The following UNC13B variants were observed in gnomAD, a reference collection of about 807,000 sequenced individuals.
The protein encoded by UNC13B is protein unc-13 homolog B.
In UNC13B, 144 loss-of-function variants were observed where a neutral mutation model predicts 211.0. That is an observed-to-expected ratio of 0.68 (90% CI 0.60 to 0.78). UNC13B has a LOEUF of 0.78. UNC13B is among the 30% of genes least tolerant of loss of function. UNC13B has a pLI of 0.00. For synonymous variants in UNC13B, 709 were observed against 725.8 expected (o/e 0.98, Z 0.37); for missense variants, 1,777 against 2,002.0 (o/e 0.89, Z 2.14).
At chr9:35,332,397 C>T (rs931343917) in intron 11 of UNC13B, among the ~76,000 whole-genome samples, 4 of 152,050 alleles carry the variant, frequency 2.6e-5, no homozygotes, top group African/African-American at 9.7e-5. Flanking sequence ...ATTCCTTTTC[C>T]TTTGTTCTCT....
chr9:35,399,800 G>C, intron 36 of UNC13B, 71 bp downstream of exon 36: 1 of 1,480,610 alleles, frequency 6.8e-7, no homozygotes, highest in Non-Finnish European at 9.4e-7. Context: ...CACTCTCCCA[G>C]ACCAGGTGTC....
intron 7 of UNC13B, among the ~76,000 whole-genome samples, chr9:35,260,828 T>C (rs1260609961): frequency 7.9e-5 from 12 of 152,118 alleles, no homozygotes; most frequent in Admixed American, 7.9e-4. Flanking sequence ...CTTTTAAACC[T>C]TTTTCCACGA....
At chr9:35,195,136 A>T (rs1412656851) in intron 1 of UNC13B, among the ~76,000 whole-genome samples, 3 of 152,122 alleles carry the variant, frequency 2.0e-5, no homozygotes, top group African/African-American at 7.2e-5. Context: ...TCTGCTCCTT[A>T]CTATACACAT....
intron 11 of UNC13B, among the ~76,000 whole-genome samples, chr9:35,335,240 G>T (rs1831588079): frequency 6.6e-6 from 1 of 152,140 alleles, no homozygotes; most frequent in Admixed American, 6.5e-5. Context: ...TCAGGAAATG[G>T]CCAAGAAATA....
rs1017002469 is a variant in UNC13B at position 35,302,092 on chromosome 9, G to A, written c.2688G>A (p.Lys896=). The change falls in exon 9 of 40, where the codon AAG becomes AAA. Residue 896 remains lysine, a synonymous_variant. Coordinates refer to ENST00000635942, the MANE Select transcript of UNC13B (RefSeq NM_001371189.2). ...TTAAATTTTCTTTCACTGACAGCAA[G>A]GTTACTGTTAATGACCAGAGTTTAC... The part of the protein sequence containing the change: ...PLFKFSFTDS[K]VTVNDQSLRG... 2 of 398,622 alleles carry A rather than the reference G, an allele frequency of 5.0e-6. No homozygotes were observed. The highest frequency in any genetic ancestry group is 4.1e-5 in the African/African-American group (2 of 48,612). The allele number at this position is 398,622 out of a possible 1,614,324, so 24.7% of individuals were successfully genotyped here. A position where few individuals can be genotyped will look rare whatever the true frequency, so the allele number is the denominator to read the frequency against.
chr9:35,255,254 T>G (rs758482318), intron 6 of UNC13B, among the ~76,000 whole-genome samples: 55 of 150,534 alleles, frequency 3.7e-4, no homozygotes, highest in Non-Finnish European at 4.1e-4. Context: ...ATTAACAGAC[T>G]TCATTTTTTA....
Position 35,300,659 on chromosome 9 carries a change from G to A in UNC13B, c.1255G>A (p.Ala419Thr), listed in dbSNP as rs922626200. The change falls in exon 9 of 40, where the codon GCA becomes ACA. Residue 419 changes from alanine (A) to threonine (T), a missense_variant. Transcript: ENST00000635942. The stretch of plus-strand genomic sequence containing the variant: ...TGAGGAATATTATGTAGCAAATTCA[G>A]CATTGCCATTACAAAGGATGAATTG... The part of the protein sequence containing the change: ...FPEEYYVANS[A>T]LPLQRMNCDA... The A allele has an allele frequency of 6.0e-5, 24 of 398,850 alleles. No individual in the cohort carries two copies. Among genetic ancestry groups the A allele is most frequent in the African/African-American group, 4.7e-4 (23 of 48,630 alleles). The allele number at this position is 398,850 out of a possible 1,614,324, so 24.7% of individuals were successfully genotyped here.
chr9:35,186,233 AC>A (rs1212367776), intron 1 of UNC13B, among the ~76,000 whole-genome samples: 1 of 151,972 alleles, frequency 6.6e-6, no homozygotes, highest in Non-Finnish European at 1.5e-5. Context: ...GACATTCACC[AC>A]CTATTCTCTC....
chr9:35,346,279 G>A (rs1350883978), intron 11 of UNC13B, among the ~76,000 whole-genome samples: 1 of 152,162 alleles, frequency 6.6e-6, no homozygotes, highest in Non-Finnish European at 1.5e-5. Context: ...CTGGGAAGCT[G>A]CTTGATATAT....
intron 1 of UNC13B, among the ~76,000 whole-genome samples, chr9:35,210,767 G>T (rs1425337055): frequency 2.0e-5 from 3 of 152,058 alleles, no homozygotes; most frequent in Non-Finnish European, 4.4e-5. Flanking sequence ...CAAGTGATCT[G>T]CCCACACCGT....
chr9:35,396,933 A>G lies in UNC13B; in HGVS notation c.11528A>G (p.Asp3843Gly), dbSNP rs149632058. The G allele has an allele frequency of 6.8e-6, 11 of 1,614,102 alleles. No homozygotes were observed. In the African/African-American group the frequency reaches 1.1e-4, roughly 16 times the overall value. The change falls in exon 28 of 40, where the codon GAT (aspartate) becomes GGT (glycine). Residue 3843 changes from aspartate (D) to glycine (G), a missense_variant. By Grantham distance (94) the Asp-to-Gly change is moderately conservative. Coordinates refer to ENST00000635942, the MANE Select transcript of UNC13B (RefSeq NM_001371189.2). ...GGGGCCCTGGAACGAGATAAGAAGG[A>G]TGGAGTAAGTCAGGGGCTTTGGCTG... ...LRGALERDKK[D>G]GFQQTSEHAL...
chr9:35,288,357 T>C (rs764827669), intron 7 of UNC13B, among the ~76,000 whole-genome samples: 1 of 152,232 alleles, frequency 6.6e-6, no homozygotes, highest in Non-Finnish European at 1.5e-5. Context: ...TTTCTAAACA[T>C]TACCTAAGAC....
chr9:35,256,110 C>T (rs1826866727), intron 6 of UNC13B, among the ~76,000 whole-genome samples: 1 of 152,066 alleles, frequency 6.6e-6, no homozygotes, highest in African/African-American at 2.4e-5. Context: ...AGTTAATGAA[C>T]TAATATTGGT....
At chr9:35,251,284 G>A (rs553228522) in intron 6 of UNC13B, among the ~76,000 whole-genome samples, 65 of 151,460 alleles carry the variant, frequency 4.3e-4, no homozygotes, top group Non-Finnish European at 9.0e-4. Context: ...TTTTTTGCTG[G>A]AGTATTTTAA....
intron 7 of UNC13B, among the ~76,000 whole-genome samples, chr9:35,259,883 G>A (rs760501804): frequency 2.7e-5 from 4 of 150,750 alleles, no homozygotes; most frequent in Non-Finnish European, 5.9e-5. Context: ...TGAAGATGAT[G>A]GTAATGATTG....
chr9:35,240,091 A>G (rs1226869978), intron 5 of UNC13B, among the ~76,000 whole-genome samples: 2 of 152,176 alleles, frequency 1.3e-5, no homozygotes, highest in South Asian at 2.1e-4. Flanking sequence ...AATCTTCACA[A>G]TTTATGTTCA....
At chr9:35,245,920 C>T (rs1157523655) in intron 6 of UNC13B, among the ~76,000 whole-genome samples, 7 of 152,276 alleles carry the variant, frequency 4.6e-5, no homozygotes, top group Middle Eastern at 3.4e-3. Flanking sequence ...CCTGAGGAAT[C>T]GCCACACTGT....
chr9:35,340,195 TG>T (rs1302101223), intron 11 of UNC13B, among the ~76,000 whole-genome samples: 1 of 152,230 alleles, frequency 6.6e-6, no homozygotes, highest in Non-Finnish European at 1.5e-5. Context: ...ATAGTTGTGC[TG>T]TCAGGCCTTA....
intron 7 of UNC13B, among the ~76,000 whole-genome samples, chr9:35,282,786 T>C (rs1828578653): frequency 6.6e-6 from 1 of 152,176 alleles, no homozygotes; most frequent in African/African-American, 2.4e-5. Flanking sequence ...TCTCTTGCTT[T>C]TTTTTCCTTA....
Sources: gnomAD v4.1 joint callset for allele counts (sites outside exome capture counted in the v4.1 genomes callset) on GRCh38, gnomAD v4.1.1 for gene constraint, MANE v1.5 for transcripts, NCBI Gene and HGNC (gene_info 2026-07-23, HGNC 2026-07-21) for gene names.